Variants in RGS7BP observed in about 807,000 individuals in gnomAD.
The protein encoded by RGS7BP is regulator of G protein signaling 7 binding protein.
A neutral mutation model predicts 31.3 loss-of-function variants in RGS7BP; 9 were observed. The observed-to-expected ratio is 0.29, with a 90% confidence interval of 0.17 to 0.50. RGS7BP has a LOEUF of 0.50. Among genes scored for constraint, RGS7BP ranks in the 20% least tolerant of loss-of-function variants. RGS7BP has a pLI of 0.98. For synonymous variants in RGS7BP, 115 were observed against 120.1 expected (o/e 0.96, Z 0.28); for missense variants, 274 against 322.0 (o/e 0.85, Z 1.14).
At chr5:64,561,296 G>A (rs569543461) in intron 2 of RGS7BP, among the ~76,000 whole-genome samples, 1 of 152,230 alleles carries the variant, frequency 6.6e-6, no homozygotes, top group Admixed American at 6.5e-5. Flanking sequence ...AATATAAAAT[G>A]ATTATTTCAT....
intron 2 of RGS7BP, among the ~76,000 whole-genome samples, chr5:64,538,804 C>T (rs983242565): frequency 3.3e-5 from 5 of 152,016 alleles, no homozygotes; most frequent in Non-Finnish European, 5.9e-5. Context: ...GATCCACCCA[C>T]CTTTGTTGGC....
chr5:64,542,608 C>G (rs1741553305), intron 2 of RGS7BP, among the ~76,000 whole-genome samples: 1 of 152,126 alleles, frequency 6.6e-6, no homozygotes, highest in Non-Finnish European at 1.5e-5. Context: ...TTACAAGGAG[C>G]CCTGGTTGAG....
chr5:64,604,747 G>A (rs140117519), intron 5 of RGS7BP, among the ~76,000 whole-genome samples: 4 of 152,158 alleles, frequency 2.6e-5, no homozygotes, highest in Admixed American at 1.3e-4. Context: ...ATAGATATTT[G>A]TAACTGCAGT....
intron 5 of RGS7BP, among the ~76,000 whole-genome samples, chr5:64,604,050 C>A (rs1323148713): frequency 6.6e-6 from 1 of 152,198 alleles, no homozygotes; most frequent in Non-Finnish European, 1.5e-5. Context: ...AAAGAAAGTA[C>A]AGGCATCGTT....
chr5:64,528,331 A>AT (rs961557652), intron 2 of RGS7BP, among the ~76,000 whole-genome samples: 1 of 152,098 alleles, frequency 6.6e-6, no homozygotes, highest in African/African-American at 2.4e-5. Context: ...ATCCTGTGAT[A>AT]TTTTTTGCCT....
intron 2 of RGS7BP, among the ~76,000 whole-genome samples, chr5:64,558,999 C>T (rs963549648): frequency 5.9e-5 from 9 of 152,156 alleles, no homozygotes; most frequent in African/African-American, 1.9e-4. Context: ...GCGTGCACAG[C>T]GGGACACGGA....
intron 2 of RGS7BP, among the ~76,000 whole-genome samples, chr5:64,513,145 A>C (rs6858983): frequency 0.29 from 43,590 of 152,058 alleles, 7,224 homozygotes; most frequent in East Asian, 0.69. Flanking sequence ...GAATTCCGGA[A>C]ATAATATGTT....
Position 64,510,671 on chromosome 5 carries a change from T to TG in RGS7BP, c.332+2795dup, listed in dbSNP as rs1380925226. Among the ~76,000 whole-genome samples the TG allele has an allele frequency of 5.9e-5, 9 of 152,374 alleles. No individual in the cohort carries two copies. The East Asian group carries it at 1.7e-3, about 29-fold the overall frequency. On this transcript the variant is annotated intron_variant, in intron 2 of 5. Coordinates refer to ENST00000334025, the MANE Select transcript of RGS7BP (RefSeq NM_001029875.3). ...AAAGTCATTGAATTGTAACTAATAA[T>TG]GAGCTAATTTTATGGCATATAAAGT...
chr5:64,562,433 G>T (rs1476403596), intron 2 of RGS7BP, among the ~76,000 whole-genome samples: 3 of 151,974 alleles, frequency 2.0e-5, no homozygotes. Flanking sequence ...ATACTGATTT[G>T]AGGCACTGAG....
At chr5:64,510,238 A>G (rs892902904) in intron 2 of RGS7BP, among the ~76,000 whole-genome samples, 5 of 152,198 alleles carry the variant, frequency 3.3e-5, no homozygotes, top group African/African-American at 1.2e-4. Context: ...AAATAGGTCT[A>G]GAGAGATTGA....
At chr5:64,603,215 C>T (rs576715927) in intron 5 of RGS7BP, among the ~76,000 whole-genome samples, 2 of 149,688 alleles carry the variant, frequency 1.3e-5, no homozygotes, top group Non-Finnish European at 3.0e-5. Flanking sequence ...AGGACAGAGA[C>T]AATTGGATGT....
intron 2 of RGS7BP, among the ~76,000 whole-genome samples, chr5:64,513,518 A>C (rs1467197003): frequency 6.6e-6 from 1 of 152,156 alleles, no homozygotes. Context: ...AGGAGGTGGG[A>C]GAGTGAGATA....
At chr5:64,569,182 A>G (rs976544881) in intron 2 of RGS7BP, among the ~76,000 whole-genome samples, 2 of 152,200 alleles carry the variant, frequency 1.3e-5, no homozygotes, top group African/African-American at 4.8e-5. Context: ...GAAGTCACAG[A>G]GCCAGCCATA....
intron 2 of RGS7BP, among the ~76,000 whole-genome samples, chr5:64,514,195 T>C (rs898670773): frequency 6.6e-6 from 1 of 152,226 alleles, no homozygotes; most frequent in African/African-American, 2.4e-5. Context: ...AGTAGTCATA[T>C]TGAATTAGGG....
At chr5:64,531,052 G>C (rs1393975359) in intron 2 of RGS7BP, among the ~76,000 whole-genome samples, 2 of 152,098 alleles carry the variant, frequency 1.3e-5, no homozygotes, top group Non-Finnish European at 1.5e-5. Flanking sequence ...TCAAAGCTCT[G>C]GTACGAAAAC....
At chr5:64,571,545 G>T (rs1243869523) in intron 2 of RGS7BP, among the ~76,000 whole-genome samples, 1 of 152,132 alleles carries the variant, frequency 6.6e-6, no homozygotes, top group Non-Finnish European at 1.5e-5. Flanking sequence ...AACAATGTAT[G>T]AGCATTTCTG....
chr5:64,587,062 T>C (rs1742775953), intron 3 of RGS7BP, among the ~76,000 whole-genome samples: 1 of 152,118 alleles, frequency 6.6e-6, no homozygotes, highest in Non-Finnish European at 1.5e-5. Flanking sequence ...GCTCTTTCCA[T>C]TCTCTGCATT....
intron 2 of RGS7BP, among the ~76,000 whole-genome samples, chr5:64,552,800 C>T (rs1053917292): frequency 1.9e-4 from 29 of 152,064 alleles, no homozygotes; most frequent in African/African-American, 7.0e-4. Context: ...TGGTCTCAAA[C>T]TCCTGGGCTC....
At chr5:64,512,730 T>C (rs1279414393) in intron 2 of RGS7BP, among the ~76,000 whole-genome samples, 6 of 152,220 alleles carry the variant, frequency 3.9e-5, no homozygotes, top group Non-Finnish European at 1.5e-5. Flanking sequence ...AATAAATCTT[T>C]GTTTACCTTG....
Sources: allele counts gnomAD v4.1 joint callset (sites outside exome capture counted in the v4.1 genomes callset), GRCh38; gene constraint gnomAD v4.1.1; transcripts MANE v1.5; gene names NCBI Gene and HGNC (gene_info 2026-07-23, HGNC 2026-07-21).